PTTG1IP: variants seen among roughly 807,000 people sequenced by gnomAD.
PTTG1IP encodes pituitary tumor-transforming gene 1 protein-interacting protein.
In PTTG1IP, 16 loss-of-function variants were observed where a neutral mutation model predicts 24.4. The observed-to-expected ratio is 0.66, with a 90% CI of 0.44 to 1.00. The LOEUF is 1.00. PTTG1IP is among the 50% of genes least tolerant of loss of function. The pLI is 0.00. For missense variants in PTTG1IP, 241 were observed against 245.8 expected (o/e 0.98, Z 0.13); for synonymous variants, 89 against 96.8 (o/e 0.92, Z 0.47).
rs1479916132 is a variant in PTTG1IP, at chr21:44,861,749, T to C, written c.169-478A>G. Reference sequence around the variant, plus strand: ...TCACCTCCTGTGAGGTTTGCTTCCGTAGACCTCTCCTCCCCACACGCCGGG... The same window carrying C: ...TCACCTCCTGTGAGGTTTGCTTCCGCAGACCTCTCCTCCCCACACGCCGGG... On this transcript the variant is annotated intron_variant, in intron 2 of 5. Coordinates refer to ENST00000330938, the MANE Select transcript of PTTG1IP (RefSeq NM_004339.4). 38 of 717,232 alleles carry C rather than the reference T, an allele frequency of 5.3e-5. No homozygotes were observed. The Admixed American group carries it at 7.2e-4, about 14-fold the overall frequency. The allele number at this position is 717,232 out of a possible 1,614,324, so 44.4% of individuals were successfully genotyped here. A position where few individuals can be genotyped will look rare whatever the true frequency, so the allele number is the denominator to read the frequency against.
Position 44,868,090 on chromosome 21 carries a change from C to T in PTTG1IP, c.116-2643G>A, listed in dbSNP as rs117729870. Among the ~76,000 whole-genome samples the T allele has an allele frequency of 9.1e-3, 1,381 of 152,342 alleles. 12 individuals carry two copies. The highest frequency in any genetic ancestry group is 0.015 in the Admixed American group (228 of 15,302). On this transcript the variant is annotated intron_variant, in intron 1 of 5. Transcript: ENST00000330938. Reference sequence around the variant, plus strand: ...AAGCCACTTTAGATACTTGAAACAACAGGCTGTATTCAGCCCCAGGGAGGC... The same window carrying T: ...AAGCCACTTTAGATACTTGAAACAATAGGCTGTATTCAGCCCCAGGGAGGC...
At chr21:44,862,171 G>C (rs1250157290) in intron 2 of PTTG1IP, among the ~76,000 whole-genome samples, 3 of 152,232 alleles carry the variant, frequency 2.0e-5, no homozygotes, top group African/African-American at 7.2e-5. Context: ...GCCAGGCACT[G>C]AGCGTGACAG....
At chr21:44,862,811 C>G (rs569211799) in intron 2 of PTTG1IP, among the ~76,000 whole-genome samples, 1 of 152,192 alleles carries the variant, frequency 6.6e-6, no homozygotes. Context: ...AACAGTTAAA[C>G]CCTGTTTATT....
chr21:44,852,182 TA>T (rs2083415944), intron 5 of PTTG1IP, among the ~76,000 whole-genome samples: 1 of 151,962 alleles, frequency 6.6e-6, no homozygotes, highest in Non-Finnish European at 1.5e-5. Flanking sequence ...TCTCTCCCTT[TA>T]TTTTTTATTT....
Position 44,869,299 on chromosome 21 carries a change from G to T in PTTG1IP, c.116-3852C>A, listed in dbSNP as rs2083565956. On this transcript the variant is annotated intron_variant, in intron 1 of 5. Coordinates refer to ENST00000330938, the MANE Select transcript of PTTG1IP (RefSeq NM_004339.4). ...TCAGGTATTCAATGTTACATGTCCA[G>T]ATTTTGATAATTATATAAATTTCAG... Among the ~76,000 whole-genome samples, 3 of 152,338 alleles carry T rather than the reference G, an allele frequency of 2.0e-5. No homozygotes were observed. The South Asian group carries it at 6.2e-4, about 32-fold the overall frequency.
intron 2 of PTTG1IP, among the ~76,000 whole-genome samples, chr21:44,864,604 G>C (rs562615990): frequency 6.6e-6 from 1 of 152,264 alleles, no homozygotes; most frequent in African/African-American, 2.4e-5. Flanking sequence ...TCACCATGTT[G>C]GTCAGGCTGG....
intron 1 of PTTG1IP, among the ~76,000 whole-genome samples, chr21:44,872,549 G>A (rs2083595988): frequency 6.6e-6 from 1 of 152,188 alleles, no homozygotes; most frequent in South Asian, 2.1e-4. Context: ...ACGGAAGCCA[G>A]CATGACATTG....
Position 44,873,481 on chromosome 21 carries a change from CG to C in PTTG1IP, c.115+20del. 1 of 1,375,202 alleles carries C rather than the reference CG, an allele frequency of 7.3e-7. No individual in the cohort carries two copies. Among genetic ancestry groups the C allele is most frequent in the Admixed American group, 3.6e-5 (1 of 27,930 alleles). 85.2% of individuals were successfully genotyped at this position (1,375,202 alleles called of 1,614,324 possible). A position where few individuals can be genotyped will look rare whatever the true frequency, so the allele number is the denominator to read the frequency against. ...AGCCGCCCCGCCCCCTTCGCGGCCC[CG>C]CCCGCCCCGGCGCCCTCACCAGCTC... On this transcript the variant is annotated intron_variant, in intron 1 of 5. Transcript: ENST00000330938.
In PTTG1IP at chr21:44,854,128, C is replaced by T. The variant is rs148190313; in HGVS notation, c.496+1082G>A. On this transcript the variant is annotated intron_variant, in intron 5 of 5. Transcript: ENST00000330938. ...CTGCACCTGACGGAGGCGCCGCTCA[C>T]AGTGGCTGCTGGGCTTTGCCGTCCA... is the stretch of plus-strand genomic sequence containing the variant. Among the ~76,000 whole-genome samples, 459 of 152,324 alleles carry T rather than the reference C, an allele frequency of 3.0e-3. 4 individuals are homozygous for T. The highest frequency in any genetic ancestry group is 0.01 in the African/African-American group (418 of 41,566).
At chr21:44,853,399 T>C (rs2083424976) in intron 5 of PTTG1IP, among the ~76,000 whole-genome samples, 2 of 150,692 alleles carry the variant, frequency 1.3e-5, no homozygotes. Context: ...TCCCAGCTAC[T>C]CAGGAGGCTG....
rs766420460 is a variant in PTTG1IP, at chr21:44,856,180, A to G, written c.449+13T>C. ...CGAAGTAACCTTCCCAGCGGGCATC[A>G]CCACCACCTCACCGTTCCTCCTGCC... On this transcript the variant is annotated intron_variant, in intron 4 of 5. Coordinates refer to ENST00000330938, the MANE Select transcript of PTTG1IP (RefSeq NM_004339.4). The G allele has an allele frequency of 2.5e-6, 4 of 1,613,900 alleles. No homozygotes were observed. Among genetic ancestry groups the G allele is most frequent in the Non-Finnish European group, 3.4e-6 (4 of 1,179,950 alleles).
intron 1 of PTTG1IP, 42 bp downstream of exon 1, chr21:44,873,460 G>A: frequency 2.2e-6 from 3 of 1,335,106 alleles, no homozygotes; most frequent in Non-Finnish European, 2.9e-6. Context: ...CCCACCAGCC[G>A]CCCCGCCCCC....
At chr21:44,863,521 A>G (rs540726816) in intron 2 of PTTG1IP, among the ~76,000 whole-genome samples, 16 of 152,260 alleles carry the variant, frequency 1.1e-4, no homozygotes, top group Admixed American at 5.9e-4. Flanking sequence ...CCCATCCACA[A>G]TGACCTGGGC....
chr21:44,868,565 C>T (rs1007848026), intron 1 of PTTG1IP, among the ~76,000 whole-genome samples: 2 of 152,086 alleles, frequency 1.3e-5, no homozygotes, highest in African/African-American at 4.8e-5. Context: ...GCAAGAGGAC[C>T]CAGAAGCCAG....
At chr21:44,853,898 C>T (rs2083429185) in intron 5 of PTTG1IP, among the ~76,000 whole-genome samples, 1 of 152,224 alleles carries the variant, frequency 6.6e-6, no homozygotes, top group Admixed American at 6.5e-5. Context: ...GCCTCACGCC[C>T]CCAAGCCGAC....
Position 44,870,537 on chromosome 21 carries a change from A to AG in PTTG1IP, c.115+2964_115+2965insC, listed in dbSNP as rs1443039863. 6.7e-4 allele frequency among the ~76,000 whole-genome samples: 101 copies of AG among 149,994 alleles called. 1 individual carries two copies. Among genetic ancestry groups the AG allele is most frequent in the African/African-American group, 2.2e-3 (88 of 39,976 alleles). ...CAAGACTCCATCTCAAAAAAAAAAAAAAAAAAAAAAAGAAAGGCATGAATC... is the reference window on the plus strand; with the variant it reads ...CAAGACTCCATCTCAAAAAAAAAAAAGAAAAAAAAAAAGAAAGGCATGAATC... On this transcript the variant is annotated intron_variant, in intron 1 of 5. Transcript: ENST00000330938.
At chr21:44,873,240 G>A (rs993204296) in intron 1 of PTTG1IP, among the ~76,000 whole-genome samples, 5 of 152,234 alleles carry the variant, frequency 3.3e-5, no homozygotes, top group African/African-American at 9.6e-5. Context: ...CACGCGCGAG[G>A]AGCGGCCGCA....
chr21:44,861,697 C>A (rs1434909357), intron 2 of PTTG1IP: 1 of 715,592 alleles, frequency 1.4e-6, no homozygotes, highest in South Asian at 1.5e-5. Flanking sequence ...AGACTGGACA[C>A]AACCAGCCGC....
chr21:44,856,864 C>G (rs535744802), intron 3 of PTTG1IP, among the ~76,000 whole-genome samples: 2 of 152,066 alleles, frequency 1.3e-5, no homozygotes, highest in Non-Finnish European at 2.9e-5. Flanking sequence ...CACATACTGG[C>G]GGCCAGGTTC....
Sources: gnomAD v4.1 joint callset for allele counts (sites outside exome capture counted in the v4.1 genomes callset) on GRCh38, gnomAD v4.1.1 for gene constraint, MANE v1.5 for transcripts, NCBI Gene and HGNC (gene_info 2026-07-23, HGNC 2026-07-21) for gene names.